Variants in EXOC4 observed in about 807,000 individuals in gnomAD.
EXOC4 encodes the protein exocyst complex component 4.
Under a neutral mutation model 107.2 loss-of-function variants are expected in EXOC4, and 71 were observed. The observed-to-expected ratio is 0.66, with a 90% CI of 0.55 to 0.81. The LOEUF is 0.81. Ranked by LOEUF, EXOC4 falls within the 30% of genes least tolerant of loss-of-function variation. The pLI is 0.00. For synonymous variants in EXOC4, 456 were observed against 441.2 expected (o/e 1.03, Z -0.42); for missense variants, 1,108 against 1,189.6 (o/e 0.93, Z 1.01).
At chr7:133,261,760 T>C (rs1367057912) in intron 1 of EXOC4, among the ~76,000 whole-genome samples, 1 of 152,186 alleles carries the variant, frequency 6.6e-6, no homozygotes, top group Non-Finnish European at 1.5e-5. Flanking sequence ...GTGACAAAAT[T>C]CTTTTGAGTA....
intron 9 of EXOC4, among the ~76,000 whole-genome samples, chr7:133,527,189 A>G (rs560674997): frequency 6.6e-6 from 1 of 152,120 alleles, no homozygotes; most frequent in East Asian, 1.9e-4. Flanking sequence ...GGATCACCTG[A>G]GGTCAGGAGT....
chr7:133,518,731 C>T (rs1325146255), intron 9 of EXOC4, among the ~76,000 whole-genome samples: 6 of 152,010 alleles, frequency 3.9e-5, no homozygotes, highest in African/African-American at 7.2e-5. Context: ...ATAATACAGT[C>T]GCGAAAGGAC....
At chr7:134,039,301 G>A (rs765992377) in intron 17 of EXOC4, among the ~76,000 whole-genome samples, 5 of 152,092 alleles carry the variant, frequency 3.3e-5, no homozygotes, top group Non-Finnish European at 5.9e-5. Flanking sequence ...ACCTTGGAGT[G>A]CATGATAAAG....
chr7:133,496,645 A>G (rs1006538200), intron 9 of EXOC4, among the ~76,000 whole-genome samples: 2 of 152,010 alleles, frequency 1.3e-5, no homozygotes, highest in Non-Finnish European at 2.9e-5. Flanking sequence ...ACTTTTTGTA[A>G]TTTTTTGGCC....
At chr7:133,288,877 G>C (rs758595563) in intron 2 of EXOC4, 45 bp from the exon 3 acceptor site, 1 of 1,555,914 alleles carries the variant, frequency 6.4e-7, no homozygotes, top group Non-Finnish European at 8.8e-7. Context: ...GGTTTAGACT[G>C]GCAAGACTTT....
intron 9 of EXOC4, among the ~76,000 whole-genome samples, chr7:133,588,197 A>G (rs1801451426): frequency 6.6e-6 from 1 of 152,184 alleles, no homozygotes; most frequent in South Asian, 2.1e-4. Context: ...TAATAGACCA[A>G]TCATTAGGAA....
chr7:133,330,351 G>T (rs904951621), intron 5 of EXOC4, among the ~76,000 whole-genome samples: 1 of 152,002 alleles, frequency 6.6e-6, no homozygotes, highest in Admixed American at 6.5e-5. Context: ...TAGATCTTAA[G>T]TTACCTATGC....
chr7:134,055,524 AAGTCCATTCC>A (rs1174292853), intron 17 of EXOC4, among the ~76,000 whole-genome samples: 1 of 152,210 alleles, frequency 6.6e-6, no homozygotes, highest in Non-Finnish European at 1.5e-5. Context: ...CAAAGCCATG[AAGTCCATTCC>A]TGTTCCCACT....
At chr7:133,579,942 G>A (rs571216684) in intron 9 of EXOC4, among the ~76,000 whole-genome samples, 9 of 152,216 alleles carry the variant, frequency 5.9e-5, no homozygotes, top group South Asian at 2.1e-4. Flanking sequence ...TGATCTGCCC[G>A]CCTTGGCCTC....
intron 10 of EXOC4, among the ~76,000 whole-genome samples, chr7:133,796,301 A>G (rs908457532): frequency 6.6e-6 from 1 of 152,164 alleles, no homozygotes; most frequent in Admixed American, 6.5e-5. Flanking sequence ...TTGAGTGAAT[A>G]CCAATCTGAT....
In EXOC4 at chr7:133,451,434, A is replaced by G. The variant is rs546004880; in HGVS notation, c.1183-23894A>G. ...GCTCTAAATGGGATTTCAAATTTAA[A>G]TGTGCTTTGGTTAGCAGATTAACAT... On this transcript the variant is annotated intron_variant, in intron 7 of 17. Transcript: ENST00000253861. 3.3e-5 allele frequency among the ~76,000 whole-genome samples: 5 copies of G among 152,190 alleles called. No individual in the cohort carries two copies. The East Asian group carries it at 9.6e-4, about 29-fold the overall frequency.
intron 14 of EXOC4, among the ~76,000 whole-genome samples, chr7:133,953,010 C>A (rs557318157): frequency 1.1e-4 from 16 of 152,244 alleles, no homozygotes; most frequent in African/African-American, 3.4e-4. Context: ...GGTATATACC[C>A]AGAAGTGAAA....
chr7:133,781,745 A>G (rs752909729), intron 10 of EXOC4, among the ~76,000 whole-genome samples: 1 of 152,174 alleles, frequency 6.6e-6, no homozygotes, highest in Non-Finnish European at 1.5e-5. Flanking sequence ...GCAGTGACTC[A>G]TCATGATCAC....
At chr7:133,637,549 A>G (rs1802742256) in intron 10 of EXOC4, among the ~76,000 whole-genome samples, 1 of 152,074 alleles carries the variant, frequency 6.6e-6, no homozygotes, top group Non-Finnish European at 1.5e-5. Context: ...GTTGTAGATC[A>G]CATATTATTC....
chr7:133,711,867 GTTTATTTA>G (rs1178554591), intron 10 of EXOC4, among the ~76,000 whole-genome samples: 1 of 151,938 alleles, frequency 6.6e-6, no homozygotes, highest in Non-Finnish European at 1.5e-5. Context: ...ATGCCTTCCT[GTTTATTTA>G]TTTATTTATG....
At chr7:133,346,411 C>T (rs1795784903) in intron 5 of EXOC4, among the ~76,000 whole-genome samples, 1 of 152,184 alleles carries the variant, frequency 6.6e-6, no homozygotes, top group Non-Finnish European at 1.5e-5. Flanking sequence ...AGATGTTATT[C>T]TCAATCTTGA....
chr7:133,573,449 A>G (rs1472662652), intron 9 of EXOC4, among the ~76,000 whole-genome samples: 1 of 152,140 alleles, frequency 6.6e-6, no homozygotes, highest in African/African-American at 2.4e-5. Flanking sequence ...GCCTTCTCTG[A>G]TAAGTCATCA....
rs190400669 is a variant in EXOC4, at chr7:133,709,245, G to A, written c.1514+79104G>A. On this transcript the variant is annotated intron_variant, in intron 10 of 17. Coordinates refer to ENST00000253861, the MANE Select transcript of EXOC4 (RefSeq NM_021807.4). ...CAAGGTGGACATTGATGGAGGTGCT[G>A]TAGAAACATATAGATTTTGTGGAGG... is the stretch of plus-strand genomic sequence containing the variant. Among the ~76,000 whole-genome samples the A allele has an allele frequency of 3.0e-3, 464 of 152,334 alleles. 4 individuals are homozygous for A. The highest frequency in any genetic ancestry group is 0.011 in the African/African-American group (443 of 41,580).
intron 9 of EXOC4, among the ~76,000 whole-genome samples, chr7:133,562,263 A>G (rs17167147): frequency 0.022 from 3,388 of 152,306 alleles, 71 homozygotes; most frequent in East Asian, 0.12. Context: ...GCTCTAGGCT[A>G]TCCAAGCCCA....
Sources: allele counts gnomAD v4.1 joint callset (sites outside exome capture counted in the v4.1 genomes callset), GRCh38; gene constraint gnomAD v4.1.1; transcripts MANE v1.5; gene names NCBI Gene and HGNC (gene_info 2026-07-23, HGNC 2026-07-21).